Variants in NUF2 observed in about 807,000 individuals in gnomAD.
The protein encoded by NUF2 is NUF2 component of NDC80 kinetochore complex, also known as kinetochore protein Nuf2.
NUF2 carries 34 observed loss-of-function variants against 61.8 expected under a neutral mutation model. The observed-to-expected ratio is 0.55, with a 90% CI of 0.42 to 0.73. The LOEUF (loss-of-function observed/expected upper bound fraction) is 0.73, where lower values mean the gene tolerates loss of function less well. Ranked by LOEUF, NUF2 falls within the 30% of genes least tolerant of loss-of-function variation. The pLI, the probability that NUF2 is intolerant of heterozygous loss-of-function variation, is 0.00. For missense variants in NUF2, 445 were observed against 539.1 expected, an observed-to-expected ratio of 0.83 and a Z score of 1.73; for synonymous variants, 172 against 181.6, an observed-to-expected ratio of 0.95 and a Z score of 0.42.
chr1:163,348,261 T>C lies in NUF2; in HGVS notation c.1124+323T>C, dbSNP rs143285419. Reference sequence around the variant, plus strand: ...CTAGCTTGCATCAGAATTAACTAAATGGCCTATCTTATAGTCCAGCTTGTC... The same window carrying C: ...CTAGCTTGCATCAGAATTAACTAAACGGCCTATCTTATAGTCCAGCTTGTC... On this transcript the variant is annotated intron_variant, in intron 12 of 13. Coordinates refer to ENST00000271452, the MANE Select transcript of NUF2 (RefSeq NM_145697.3). 5.8e-3 allele frequency among the ~76,000 whole-genome samples: 879 copies of C among 152,322 alleles called. 12 individuals carry two copies. The highest frequency in any genetic ancestry group is 0.02 in the African/African-American group (840 of 41,582).
At chr1:163,350,208 A>C (rs1390642699) in intron 13 of NUF2, among the ~76,000 whole-genome samples, 1 of 151,876 alleles carries the variant, frequency 6.6e-6, no homozygotes, top group African/African-American at 2.4e-5. Context: ...AGGCTGAGGC[A>C]GGAGAATGGC....
Position 163,340,368 on chromosome 1 carries a change from T to C in NUF2, c.611T>C (p.Val204Ala). 4 of 1,610,168 alleles carry C rather than the reference T, an allele frequency of 2.5e-6. No homozygotes were observed. Among genetic ancestry groups the C allele is most frequent in the Non-Finnish European group, 3.4e-6 (4 of 1,177,532 alleles). ...CGTGTTTGCTTTTTCCCTTAGATAG[T>C]GCTGCAAGAGGGAAATTCCCAAAAG... Reference protein sequence around the residue: ...LNQDFHQKTIVLQEGNSQKKS... With the variant: ...LNQDFHQKTIALQEGNSQKKS... Residue 204 changes from valine (V) to alanine (A), a missense_variant, in exon 9 of 14, where the codon GTG becomes GCG. By Grantham distance (64) the Val-to-Ala change is moderately conservative (BLOSUM62 0). Transcript: ENST00000271452.
chr1:163,339,161 A>G lies in NUF2; in HGVS notation c.510-220A>G, dbSNP rs189548650. On this transcript the variant is annotated intron_variant, in intron 7 of 13. Transcript: ENST00000271452. The stretch of plus-strand genomic sequence containing the variant: ...GATAGGTATGTGTGTGGATGGATCC[A>G]TAGATTTGATAGTAGAAAACTGAAG... 2.0e-4 allele frequency: 100 copies of G among 495,130 alleles called. No homozygotes were observed. In the East Asian group the frequency reaches 2.5e-3, roughly 12 times the overall value. The allele number at this position is 495,130 out of a possible 1,614,324, so 30.7% of individuals were successfully genotyped here.
chr1:163,335,577 T>C (rs1650730303), intron 5 of NUF2, among the ~76,000 whole-genome samples: 1 of 152,154 alleles, frequency 6.6e-6, no homozygotes, highest in Non-Finnish European at 1.5e-5. Context: ...TTTTTTTTGT[T>C]TGTTTTTCTG....
chr1:163,343,845 C>T lies in NUF2; in HGVS notation c.782C>T (p.Thr261Met), dbSNP rs149575845. 1.2e-4 allele frequency: 172 copies of T among 1,452,284 alleles called. 3 individuals are homozygous for T. In the South Asian group the frequency reaches 1.6e-3, roughly 14 times the overall value. 90.0% of individuals were successfully genotyped at this position (1,452,284 alleles called of 1,614,324 possible). Reference protein sequence around the residue: ...LKNYKEKMKDTVQKLKNARQE... With the variant: ...LKNYKEKMKDMVQKLKNARQE... ...AATTATAAAGAAAAAATGAAAGATA[C>T]GGTCCAGAAGCTTAAAAATGCCAGA... The change falls in exon 10 of 14, where the codon ACG (threonine) becomes ATG (methionine). Residue 261 changes from threonine (T) to methionine (M), a missense_variant. Thr to Met is a moderately conservative substitution (Grantham distance 81, BLOSUM62 -1). Transcript: ENST00000271452.
intron 7 of NUF2, among the ~76,000 whole-genome samples, chr1:163,339,029 G>C (rs9287056): frequency 0.25 from 38,702 of 151,984 alleles, 5,062 homozygotes; most frequent in Middle Eastern, 0.39. Context: ...AGAATGGATG[G>C]TATGGGAGTA....
In NUF2 at chr1:163,327,532, A is replaced by C. The variant is rs16852612; in HGVS notation, c.168A>C (p.Val56=). 0.15 allele frequency: 244,083 copies of C among 1,609,958 alleles called. 20,334 individuals carry two copies. Among genetic ancestry groups the C allele is most frequent in the Non-Finnish European group, 0.17 (194,689 of 1,176,586 alleles). ...TCTACATGAGAGCCTTACAAATAGTATATGGAATTCGACTGGAACATTTTT... is the reference window on the plus strand; with the variant it reads ...TCTACATGAGAGCCTTACAAATAGTCTATGGAATTCGACTGGAACATTTTT... ...HMIYMRALQI[V]YGIRLEHFYM... The change falls in exon 3 of 14, where the codon GTA becomes GTC. Residue 56 remains valine, a synonymous_variant. Transcript: ENST00000271452.
intron 5 of NUF2, 71 bp downstream of exon 5, chr1:163,328,978 TAA>T (rs5778324): frequency 0.03 from 13,729 of 464,072 alleles, no homozygotes; most frequent in South Asian, 0.041. Context: ...TCAGTAAATG[TAA>T]AAAAAAAAAA....
At chr1:163,333,082 A>C (rs1023397167) in intron 5 of NUF2, among the ~76,000 whole-genome samples, 1 of 152,154 alleles carries the variant, frequency 6.6e-6, no homozygotes, top group Non-Finnish European at 1.5e-5. Flanking sequence ...ATCTTCAGCT[A>C]TGATTGTGAG....
At chr1:163,339,650 G>C (rs1447957152) in intron 8 of NUF2, among the ~76,000 whole-genome samples, 173 bp downstream of exon 8, 3 of 152,042 alleles carry the variant, frequency 2.0e-5, no homozygotes, top group Non-Finnish European at 4.4e-5. Flanking sequence ...CAACCATCTA[G>C]AACCGTGATG....
At chr1:163,341,789 G>A (rs946901164) in intron 9 of NUF2, among the ~76,000 whole-genome samples, 2 of 151,780 alleles carry the variant, frequency 1.3e-5, no homozygotes, top group East Asian at 1.9e-4. Context: ...CACCACTCCC[G>A]GCTAATTTTT....
intron 4 of NUF2, 173 bp downstream of exon 4, chr1:163,328,477 G>C (rs1650498568): frequency 1.9e-6 from 1 of 515,022 alleles, no homozygotes. Flanking sequence ...AAACAGAACT[G>C]CCTCCAACTG....
chr1:163,331,025 CT>C (rs35181525), intron 5 of NUF2, among the ~76,000 whole-genome samples: 39,759 of 134,812 alleles, frequency 0.29, 5,506 homozygotes, highest in Non-Finnish European at 0.33. Context: ...GCCTTTTATT[CT>C]TTTTTTTTTT....
chr1:163,351,660 T>A (rs778960060), intron 13 of NUF2, among the ~76,000 whole-genome samples: 10 of 152,238 alleles, frequency 6.6e-5, no homozygotes, highest in Non-Finnish European at 1.2e-4. Context: ...GCTAAGTTGT[T>A]CTTACCTACC....
intron 9 of NUF2, 67 bp downstream of exon 9, chr1:163,340,493 G>A (rs539087199): frequency 5.2e-6 from 6 of 1,164,926 alleles, no homozygotes; most frequent in South Asian, 2.8e-5. Context: ...TATTTTAGCT[G>A]TGTGTGTTAT....
intron 5 of NUF2, among the ~76,000 whole-genome samples, chr1:163,333,018 C>G (rs1322932660): frequency 2.0e-5 from 3 of 152,108 alleles, no homozygotes; most frequent in African/African-American, 4.8e-5. Context: ...CTACTGGGTC[C>G]TTACAGACTT....
chr1:163,342,220 C>G (rs189807175), intron 9 of NUF2, among the ~76,000 whole-genome samples: 1 of 151,986 alleles, frequency 6.6e-6, no homozygotes, highest in Admixed American at 6.6e-5. Flanking sequence ...GTTATATTTC[C>G]CTTATTTTTC....
At position 163,339,438 on chromosome 1, in the gene NUF2, G is replaced by A. The variant is rs201197914; in HGVS notation, c.567G>A (p.Glu189=). Residue 189 remains glutamate, a synonymous_variant, in exon 8 of 14, where the codon GAG becomes GAA. Transcript: ENST00000271452. ...EFKQLSDGIQ[E]LQQSLNQDFH... ...AGCAGCTTTCAGATGGAATTCAGGA[G>A]CTACAACAATCACTAAATCAGGATT... The A allele has an allele frequency of 1.9e-6, 3 of 1,612,554 alleles. No individual in the cohort carries two copies. The highest frequency in any genetic ancestry group is 2.5e-6 in the Non-Finnish European group (3 of 1,178,870).
At chr1:163,351,981 AAAAT>A (rs1326390494) in intron 13 of NUF2, among the ~76,000 whole-genome samples, 5 of 152,184 alleles carry the variant, frequency 3.3e-5, no homozygotes, top group African/African-American at 1.2e-4. Flanking sequence ...ACTCACAACA[AAAAT>A]AATATTTTAA....
Sources: gnomAD v4.1 joint callset for allele counts (sites outside exome capture counted in the v4.1 genomes callset) on GRCh38, gnomAD v4.1.1 for gene constraint, MANE v1.5 for transcripts, NCBI Gene and HGNC (gene_info 2026-07-23, HGNC 2026-07-21) for gene names.